The following CNTN5 variants were observed in gnomAD, a reference collection of about 807,000 sequenced individuals.
CNTN5 encodes contactin-5.
In CNTN5, 77 loss-of-function variants were observed where a neutral mutation model predicts 129.1. The ratio of observed to expected loss-of-function variants is 0.60; its 90% CI spans 0.50 to 0.72. The LOEUF (loss-of-function observed/expected upper bound fraction) is 0.72, where lower values mean the gene tolerates loss of function less well. CNTN5 is among the 30% of genes least tolerant of loss of function. The pLI is 0.00. For synonymous variants in CNTN5, 509 were observed against 465.6 expected, an observed-to-expected ratio of 1.09 and a Z score of -1.20; for missense variants, 1,478 against 1,328.8, an observed-to-expected ratio of 1.11 and a Z score of -1.75.
intron 1 of CNTN5, among the ~76,000 whole-genome samples, chr11:99,055,932 T>G (rs530818399): frequency 6.6e-6 from 1 of 151,994 alleles, no homozygotes; most frequent in African/African-American, 2.4e-5. Context: ...TCTCCTTCGG[T>G]TTCAATTTCA....
intron 21 of CNTN5, among the ~76,000 whole-genome samples, chr11:100,318,038 G>A (rs944268417): frequency 6.6e-6 from 1 of 151,942 alleles, no homozygotes; most frequent in Non-Finnish European, 1.5e-5. Flanking sequence ...TCAGGAGATC[G>A]AGAGCATCCT....
chr11:99,268,710 G>A (rs145097492), intron 1 of CNTN5, among the ~76,000 whole-genome samples: 2 of 152,060 alleles, frequency 1.3e-5, no homozygotes, highest in African/African-American at 2.4e-5. Flanking sequence ...GTGCTCAAAT[G>A]TGTTTATTTG....
At chr11:100,086,602 T>C (rs11607412) in intron 13 of CNTN5, among the ~76,000 whole-genome samples, 21,869 of 150,824 alleles carry the variant, frequency 0.14, 1,820 homozygotes, top group East Asian at 0.31. Context: ...CATAAAATAA[T>C]TCAGAAAAAC....
chr11:100,173,131 C>T (rs1475608811), intron 13 of CNTN5, among the ~76,000 whole-genome samples: 1 of 152,086 alleles, frequency 6.6e-6, no homozygotes, highest in Non-Finnish European at 1.5e-5. Context: ...GACAGCTCCT[C>T]CAGAGCCTTG....
chr11:99,620,473 G>T (rs1332240794), intron 3 of CNTN5, among the ~76,000 whole-genome samples: 2 of 148,326 alleles, frequency 1.3e-5, no homozygotes, highest in African/African-American at 4.9e-5. Context: ...TAGAGTTAAT[G>T]ATTTAGCAGG....
intron 13 of CNTN5, among the ~76,000 whole-genome samples, chr11:100,147,428 G>C (rs189565513): frequency 6.6e-6 from 1 of 152,022 alleles, no homozygotes; most frequent in African/African-American, 2.4e-5. Flanking sequence ...CATGTCTCAT[G>C]GTATCTTGCC....
At chr11:99,891,641 C>T (rs1315536440) in intron 6 of CNTN5, among the ~76,000 whole-genome samples, 3 of 152,108 alleles carry the variant, frequency 2.0e-5, no homozygotes, top group African/African-American at 4.8e-5. Context: ...TCATTCATGT[C>T]CCTGCAAAGG....
At chr11:99,069,841 C>T (rs926297729) in intron 1 of CNTN5, among the ~76,000 whole-genome samples, 1 of 152,168 alleles carries the variant, frequency 6.6e-6, no homozygotes, top group Admixed American at 6.5e-5. Flanking sequence ...TTTCTGCAAA[C>T]CCCTGTTCAC....
intron 3 of CNTN5, among the ~76,000 whole-genome samples, chr11:99,789,016 C>G (rs1053889972): frequency 1.3e-5 from 2 of 151,654 alleles, no homozygotes; most frequent in South Asian, 2.1e-4. Context: ...TTGTAAAAAT[C>G]TAACATCTCC....
At chr11:100,051,373 T>C (rs1309762633) in intron 9 of CNTN5, among the ~76,000 whole-genome samples, 1 of 151,898 alleles carries the variant, frequency 6.6e-6, no homozygotes, top group African/African-American at 2.4e-5. Context: ...ATTTAGAAAT[T>C]CAAAACACAC....
intron 2 of CNTN5, among the ~76,000 whole-genome samples, chr11:99,534,019 C>T (rs1376450594): frequency 6.6e-6 from 1 of 152,154 alleles, no homozygotes; most frequent in East Asian, 1.9e-4. Flanking sequence ...TCTGTTAAAA[C>T]CCATCAAATG....
intron 13 of CNTN5, among the ~76,000 whole-genome samples, chr11:100,187,013 C>T (rs1270538680): frequency 6.6e-6 from 1 of 152,102 alleles, no homozygotes; most frequent in Non-Finnish European, 1.5e-5. Context: ...TGCCACTTAA[C>T]AGACAAAAAA....
At chr11:99,727,441 A>G (rs997263513) in intron 3 of CNTN5, among the ~76,000 whole-genome samples, 3 of 151,984 alleles carry the variant, frequency 2.0e-5, no homozygotes, top group African/African-American at 7.3e-5. Flanking sequence ...TGATATGACA[A>G]GATAGAGCAT....
intron 3 of CNTN5, among the ~76,000 whole-genome samples, chr11:99,716,108 T>A (rs1178375994): frequency 1.3e-5 from 2 of 152,082 alleles, no homozygotes; most frequent in Non-Finnish European, 2.9e-5. Flanking sequence ...AATTTGATAG[T>A]CTATTGTAAT....
chr11:99,630,320 T>C (rs2135798816), intron 3 of CNTN5, among the ~76,000 whole-genome samples: 1 of 152,036 alleles, frequency 6.6e-6, no homozygotes, highest in East Asian at 1.9e-4. Flanking sequence ...TTAACAGTAA[T>C]TGCCTCTGGA....
At chr11:99,684,865 C>A (rs1391694074) in intron 3 of CNTN5, among the ~76,000 whole-genome samples, 1 of 151,310 alleles carries the variant, frequency 6.6e-6, no homozygotes, top group Non-Finnish European at 1.5e-5. Flanking sequence ...ATTGGTGATT[C>A]TTCAAAAATT....
chr11:99,457,891 A>G (rs941680768), intron 2 of CNTN5, among the ~76,000 whole-genome samples: 1 of 151,750 alleles, frequency 6.6e-6, no homozygotes, highest in Non-Finnish European at 1.5e-5. Context: ...TTCCCGCTGC[A>G]GGATTTTAGA....
intron 8 of CNTN5, among the ~76,000 whole-genome samples, chr11:99,998,329 A>G (rs1294229563): frequency 2.0e-5 from 3 of 150,632 alleles, no homozygotes; most frequent in Non-Finnish European, 4.4e-5. Flanking sequence ...AAATCAATGT[A>G]CAAAAATCAC....
chr11:100,339,332 A>C (rs1363227953), intron 21 of CNTN5, among the ~76,000 whole-genome samples: 1 of 151,828 alleles, frequency 6.6e-6, no homozygotes, highest in Non-Finnish European at 1.5e-5. Flanking sequence ...AATTTTACTG[A>C]GCAATGAAAA....
Sources: gnomAD v4.1 joint callset for allele counts (sites outside exome capture counted in the v4.1 genomes callset) on GRCh38, gnomAD v4.1.1 for gene constraint, MANE v1.5 for transcripts, NCBI Gene and HGNC (gene_info 2026-07-23, HGNC 2026-07-21) for gene names.